The following ABLIM1 variants were observed in gnomAD, a reference collection of about 807,000 sequenced individuals.
The protein encoded by ABLIM1 is actin binding LIM protein 1, also known as actin-binding LIM protein 1.
Under a neutral mutation model 107.0 loss-of-function variants are expected in ABLIM1, and 40 were observed. The observed-to-expected ratio is 0.37, with a 90% CI of 0.29 to 0.49. The LOEUF (loss-of-function observed/expected upper bound fraction) is 0.49. ABLIM1 is among the 20% of genes least tolerant of loss of function. The pLI is 0.97. For missense variants in ABLIM1, 857 were observed against 1,008.5 expected, an observed-to-expected ratio of 0.85 and a Z score of 2.04; for synonymous variants, 357 against 357.3, an observed-to-expected ratio of 1.00 and a Z score of 0.01.
At chr10:114,705,336 A>G (rs1024308073) in intron 1 of ABLIM1, among the ~76,000 whole-genome samples, 1 of 152,308 alleles carries the variant, frequency 6.6e-6, no homozygotes, top group Middle Eastern at 3.4e-3. Flanking sequence ...TACAAAACCC[A>G]TAATAGTTGC....
At chr10:114,674,362 T>C (rs2080390003) in intron 1 of ABLIM1, among the ~76,000 whole-genome samples, 1 of 152,054 alleles carries the variant, frequency 6.6e-6, no homozygotes. Flanking sequence ...TCTCAATTCC[T>C]AAGAATCAGT....
chr10:114,778,469 C>G, the ABLIM1 span: 5 of 152,096 alleles, frequency 3.3e-5, no homozygotes, highest in Non-Finnish European at 7.3e-5. Context: ...TCTGATGCTA[C>G]ATAATTAAGG....
At chr10:114,604,542 T>C (rs2076278021) in intron 1 of ABLIM1, among the ~76,000 whole-genome samples, 1 of 152,214 alleles carries the variant, frequency 6.6e-6, no homozygotes, top group African/African-American at 2.4e-5. Flanking sequence ...ATGCAGGTTC[T>C]TCAGCCCCAA....
At chr10:114,676,817 C>T (rs1443186771) in intron 1 of ABLIM1, among the ~76,000 whole-genome samples, 5 of 152,160 alleles carry the variant, frequency 3.3e-5, no homozygotes, top group African/African-American at 9.7e-5. Flanking sequence ...CTCACTGCAA[C>T]GTCTACCTCC....
intron 6 of ABLIM1, among the ~76,000 whole-genome samples, chr10:114,503,578 G>C (rs767297583): frequency 2.0e-5 from 3 of 152,136 alleles, no homozygotes; most frequent in African/African-American, 4.8e-5. Flanking sequence ...TGGGAATAGA[G>C]AGTATGTGGC....
chr10:114,559,387 G>A (rs2069279818), intron 4 of ABLIM1, among the ~76,000 whole-genome samples: 1 of 130,092 alleles, frequency 7.7e-6, no homozygotes, highest in South Asian at 2.6e-4. Context: ...AGGATTACTT[G>A]AGCCCAGGAG....
intron 1 of ABLIM1, among the ~76,000 whole-genome samples, chr10:114,704,364 G>T (rs2081378450): frequency 7.5e-6 from 1 of 132,686 alleles, no homozygotes; most frequent in Non-Finnish European, 1.6e-5. Flanking sequence ...GAGGTATCTT[G>T]GAATAACAAG....
upstream of ABLIM1, among the ~76,000 whole-genome samples, chr10:114,768,680 C>A (rs894708182): frequency 9.9e-5 from 15 of 151,608 alleles, no homozygotes; most frequent in African/African-American, 3.7e-4. Context: ...TGGGGCGGGA[C>A]TTTTCCTCCA....
chr10:114,461,594 G>A (rs1445079823), intron 12 of ABLIM1, among the ~76,000 whole-genome samples: 1 of 152,086 alleles, frequency 6.6e-6, no homozygotes, highest in African/African-American at 2.4e-5. Context: ...CAAGGCGGGT[G>A]GATCACTTGA....
At chr10:114,541,941 C>T (rs1377866395) in intron 6 of ABLIM1, among the ~76,000 whole-genome samples, 1 of 152,148 alleles carries the variant, frequency 6.6e-6, no homozygotes, top group African/African-American at 2.4e-5. Context: ...CTCAGACACA[C>T]ACACACACAG....
At chr10:114,542,118 T>C (rs2066739074) in intron 6 of ABLIM1, among the ~76,000 whole-genome samples, 1 of 152,146 alleles carries the variant, frequency 6.6e-6, no homozygotes, top group South Asian at 2.1e-4. Flanking sequence ...TATTGTTTCT[T>C]TTTATGAGGG....
chr10:114,508,340 G>A (rs1427129117), intron 6 of ABLIM1, among the ~76,000 whole-genome samples: 1 of 152,140 alleles, frequency 6.6e-6, no homozygotes, highest in Non-Finnish European at 1.5e-5. Context: ...TGCAGGAGGA[G>A]ATGGTTACAT....
intron 6 of ABLIM1, among the ~76,000 whole-genome samples, chr10:114,543,594 G>A (rs2497717): frequency 0.77 from 117,472 of 151,716 alleles, 46,043 homozygotes; most frequent in African/African-American, 0.91. Context: ...TGCTGTGAAC[G>A]CGTGCGTACA....
the ABLIM1 span, among the ~76,000 whole-genome samples, chr10:114,787,743 C>T: frequency 6.3e-5 from 4 of 63,134 alleles, no homozygotes; most frequent in South Asian, 2.4e-3. Context: ...CCGCCCCGTC[C>T]GGGAGGTGAG....
At chr10:114,573,500 A>C (rs1222174724) in intron 3 of ABLIM1, among the ~76,000 whole-genome samples, 1 of 152,176 alleles carries the variant, frequency 6.6e-6, no homozygotes, top group African/African-American at 2.4e-5. Flanking sequence ...CATTATACCA[A>C]CTTCAAAGCA....
At chr10:114,694,228 A>C (rs1245919986) in intron 1 of ABLIM1, among the ~76,000 whole-genome samples, 1 of 152,206 alleles carries the variant, frequency 6.6e-6, no homozygotes, top group Non-Finnish European at 1.5e-5. Flanking sequence ...TTCACTCATA[A>C]GGTAGCAAAC....
intron 2 of ABLIM1, among the ~76,000 whole-genome samples, chr10:114,577,407 C>A (rs2072735442): frequency 6.6e-6 from 1 of 152,134 alleles, no homozygotes; most frequent in South Asian, 2.1e-4. Flanking sequence ...TCCCTAAATT[C>A]TCTCCTCCAG....
intron 14 of ABLIM1, 100 bp from the exon 15 acceptor site, chr10:114,448,120 T>C (rs2061319305): frequency 6.7e-7 from 1 of 1,498,862 alleles, no homozygotes; most frequent in African/African-American, 1.4e-5. Flanking sequence ...TGGCAAAAGT[T>C]TCAGTTCCAG....
chr10:114,683,951 A>G (rs973444910), intron 1 of ABLIM1, among the ~76,000 whole-genome samples: 1 of 152,196 alleles, frequency 6.6e-6, no homozygotes, highest in African/African-American at 2.4e-5. Flanking sequence ...AAATAGGATC[A>G]CAGGTGTTTG....
Sources: gnomAD v4.1 joint callset for allele counts (sites outside exome capture counted in the v4.1 genomes callset) on GRCh38, gnomAD v4.1.1 for gene constraint, MANE v1.5 for transcripts, NCBI Gene and HGNC (gene_info 2026-07-23, HGNC 2026-07-21) for gene names.